ANKS1B: variants seen among roughly 807,000 people sequenced by gnomAD.
The protein encoded by ANKS1B is ankyrin repeat and sterile alpha motif domain-containing protein 1B.
In ANKS1B, 36 loss-of-function variants were observed where a neutral mutation model predicts 148.3. The ratio of observed to expected loss-of-function variants is 0.24; its 90% confidence interval spans 0.19 to 0.32. The LOEUF (loss-of-function observed/expected upper bound fraction) is 0.32, where lower values mean the gene tolerates loss of function less well. ANKS1B is among the 10% of genes least tolerant of loss of function. The pLI, the probability that ANKS1B is intolerant of heterozygous loss-of-function variation, is 1.00. For missense variants in ANKS1B, 1,157 were observed against 1,542.6 expected (o/e 0.75, Z 4.19); for synonymous variants, 542 against 560.8 (o/e 0.97, Z 0.47).
chr12:99,052,002 T>A (rs746859234), intron 17 of ANKS1B, among the ~76,000 whole-genome samples: 15 of 152,210 alleles, frequency 9.9e-5, no homozygotes, highest in Admixed American at 2.0e-4. Flanking sequence ...TATCTCTTAG[T>A]TCATAAATGC....
At chr12:98,948,019 A>G (rs1019577604) in intron 17 of ANKS1B, among the ~76,000 whole-genome samples, 4 of 152,182 alleles carry the variant, frequency 2.6e-5, no homozygotes, top group African/African-American at 9.7e-5. Context: ...GCTGAGGATT[A>G]TTCATGTTTG....
chr12:99,891,029 G>C (rs2093074822), intron 1 of ANKS1B, among the ~76,000 whole-genome samples: 1 of 152,182 alleles, frequency 6.6e-6, no homozygotes, highest in Non-Finnish European at 1.5e-5. Context: ...CACTTAAGTG[G>C]AATCACACAA....
At chr12:99,200,265 A>G (rs2081917815) in intron 14 of ANKS1B, among the ~76,000 whole-genome samples, 2 of 152,236 alleles carry the variant, frequency 1.3e-5, no homozygotes, top group South Asian at 4.1e-4. Context: ...AATCAGATAA[A>G]ATATTTATGA....
chr12:99,734,814 A>G (rs986306543), intron 8 of ANKS1B, among the ~76,000 whole-genome samples: 1 of 152,218 alleles, frequency 6.6e-6, no homozygotes, highest in Admixed American at 6.5e-5. Flanking sequence ...GGACACTGAC[A>G]GTTTCCAAAT....
intron 11 of ANKS1B, among the ~76,000 whole-genome samples, chr12:99,412,830 C>T (rs1427622789): frequency 2.0e-5 from 3 of 152,072 alleles, no homozygotes; most frequent in Non-Finnish European, 2.9e-5. Context: ...CTGGACAACT[C>T]GAAGAAAGTA....
chr12:99,150,799 C>G (rs1227082866), intron 15 of ANKS1B, among the ~76,000 whole-genome samples: 1 of 152,000 alleles, frequency 6.6e-6, no homozygotes, highest in Non-Finnish European at 1.5e-5. Context: ...TGTCAGAAGG[C>G]ATGGCAGCAT....
chr12:99,039,614 C>G (rs1176938037), intron 17 of ANKS1B, among the ~76,000 whole-genome samples: 1 of 152,258 alleles, frequency 6.6e-6, no homozygotes, highest in Non-Finnish European at 1.5e-5. Flanking sequence ...CTCTCATCCA[C>G]TCTGCTGCCT....
intron 17 of ANKS1B, among the ~76,000 whole-genome samples, chr12:98,949,463 T>G (rs2099850865): frequency 6.6e-6 from 1 of 152,186 alleles, no homozygotes; most frequent in Non-Finnish European, 1.5e-5. Context: ...TGTTTAAATT[T>G]TTGATCTTTA....
intron 1 of ANKS1B, among the ~76,000 whole-genome samples, chr12:99,980,641 A>G (rs2095687537): frequency 6.6e-6 from 1 of 152,060 alleles, no homozygotes. Context: ...AGAAGGAAAG[A>G]GAGAGTAGAG....
chr12:99,068,968 T>A (rs1314334135), intron 16 of ANKS1B, among the ~76,000 whole-genome samples: 1 of 152,224 alleles, frequency 6.6e-6, no homozygotes, highest in Non-Finnish European at 1.5e-5. Context: ...ATTTTCCACA[T>A]AGTATTCTAG....
chr12:98,808,983 G>A (rs1456016272), intron 19 of ANKS1B, among the ~76,000 whole-genome samples: 2 of 152,118 alleles, frequency 1.3e-5, no homozygotes, highest in African/African-American at 4.8e-5. Context: ...TGATAGAAAA[G>A]AAGGCTTATC....
At chr12:99,893,725 C>T (rs775510339) in intron 1 of ANKS1B, among the ~76,000 whole-genome samples, 4 of 152,098 alleles carry the variant, frequency 2.6e-5, no homozygotes, top group South Asian at 2.1e-4. Flanking sequence ...TATTTATAAG[C>T]GAGAACATGT....
At chr12:99,612,780 A>G (rs1242657822) in intron 9 of ANKS1B, among the ~76,000 whole-genome samples, 1 of 152,116 alleles carries the variant, frequency 6.6e-6, no homozygotes, top group Middle Eastern at 3.2e-3. Context: ...ACATTAAAAC[A>G]TTATTCTTTG....
At chr12:99,408,267 G>C (rs1401001728) in intron 11 of ANKS1B, among the ~76,000 whole-genome samples, 1 of 145,222 alleles carries the variant, frequency 6.9e-6, no homozygotes, top group East Asian at 1.9e-4. Flanking sequence ...GAAAAGACAG[G>C]GTGGTGGTGG....
intron 15 of ANKS1B, chr12:99,104,574 A>C (rs1270534016): frequency 6.6e-6 from 1 of 152,212 alleles, no homozygotes; most frequent in Non-Finnish European, 1.5e-5. Context: ...GAGCAAGACA[A>C]TGTGAATAGG....
chr12:99,969,830 T>C (rs1205789524), intron 1 of ANKS1B, among the ~76,000 whole-genome samples: 1 of 152,198 alleles, frequency 6.6e-6, no homozygotes, highest in Non-Finnish European at 1.5e-5. Flanking sequence ...AACACCTGAA[T>C]TTGCTTCTTG....
chr12:99,094,187 C>T (rs943661059), intron 15 of ANKS1B, among the ~76,000 whole-genome samples: 2 of 152,154 alleles, frequency 1.3e-5, no homozygotes, highest in African/African-American at 4.8e-5. Flanking sequence ...GACAAGGTCC[C>T]TCTACCTTTA....
chr12:99,081,415 A>G (rs1008070312), intron 16 of ANKS1B, among the ~76,000 whole-genome samples: 1 of 152,232 alleles, frequency 6.6e-6, no homozygotes, highest in African/African-American at 2.4e-5. Flanking sequence ...AACAAAATGA[A>G]GAGACATTTT....
intron 9 of ANKS1B, among the ~76,000 whole-genome samples, chr12:99,585,759 T>TG (rs1258425638): frequency 6.6e-6 from 1 of 152,194 alleles, no homozygotes; most frequent in Non-Finnish European, 1.5e-5. Flanking sequence ...TGCCAATGCT[T>TG]GGGGCTTGCA....
Sources: allele counts gnomAD v4.1 joint callset (sites outside exome capture counted in the v4.1 genomes callset), GRCh38; gene constraint gnomAD v4.1.1; transcripts MANE v1.5; gene names NCBI Gene and HGNC (gene_info 2026-07-23, HGNC 2026-07-21).